The following SNX6 variants were observed in gnomAD, a reference collection of about 807,000 sequenced individuals.
The protein encoded by SNX6 is sorting nexin-6.
In SNX6, 34 loss-of-function variants were observed where a neutral mutation model predicts 63.0. The ratio of observed to expected loss-of-function variants is 0.54; its 90% CI spans 0.41 to 0.72. The LOEUF (loss-of-function observed/expected upper bound fraction) is 0.72, where lower values mean the gene tolerates loss of function less well. Ranked by LOEUF, SNX6 falls within the 30% of genes least tolerant of loss-of-function variation. SNX6 has a pLI of 0.00. For missense variants in SNX6, 398 were observed against 471.4 expected, an observed-to-expected ratio of 0.84 and a Z score of 1.44; for synonymous variants, 170 against 164.2, an observed-to-expected ratio of 1.04 and a Z score of -0.27.
intron 2 of SNX6, among the ~76,000 whole-genome samples, chr14:34,613,728 G>C (rs1411896005): frequency 6.6e-6 from 1 of 152,098 alleles, no homozygotes; most frequent in Non-Finnish European, 1.5e-5. Context: ...AGGAGGCAGA[G>C]CTTGCAGTGA....
intron 2 of SNX6, among the ~76,000 whole-genome samples, chr14:34,611,177 G>A (rs1481018854): frequency 2.6e-5 from 4 of 152,106 alleles, no homozygotes; most frequent in Non-Finnish European, 5.9e-5. Context: ...GTTTTTGGTA[G>A]AGAAGGGGTT....
intron 2 of SNX6, among the ~76,000 whole-genome samples, chr14:34,621,762 T>C (rs981278174): frequency 2.6e-5 from 4 of 152,142 alleles, no homozygotes; most frequent in African/African-American, 9.7e-5. Context: ...CTATTCTATC[T>C]CCTAAACATC....
chr14:34,625,306 G>A (rs1883785291), intron 2 of SNX6, among the ~76,000 whole-genome samples: 1 of 152,064 alleles, frequency 6.6e-6, no homozygotes, highest in African/African-American at 2.4e-5. Flanking sequence ...TTTCTATCAG[G>A]ACAAACACAA....
intron 8 of SNX6, among the ~76,000 whole-genome samples, chr14:34,588,372 C>T (rs1463272684): frequency 1.3e-5 from 2 of 151,994 alleles, no homozygotes; most frequent in Non-Finnish European, 2.9e-5. Flanking sequence ...GATCCCCTTG[C>T]CTCAGCATCC....
chr14:34,566,276 C>G (rs909882967), intron 13 of SNX6, among the ~76,000 whole-genome samples: 1 of 152,122 alleles, frequency 6.6e-6, no homozygotes, highest in Admixed American at 6.6e-5. Context: ...TGCAGTGGCA[C>G]AATCTTGGCT....
chr14:34,587,798 A>ATTTT (rs1168575667), intron 8 of SNX6, among the ~76,000 whole-genome samples: 2 of 107,060 alleles, frequency 1.9e-5, no homozygotes, highest in East Asian at 2.5e-4. Context: ...CGGTTGGCTA[A>ATTTT]TTTTTTTTTT....
intron 4 of SNX6, among the ~76,000 whole-genome samples, chr14:34,607,179 A>T (rs1349363181): frequency 6.6e-6 from 1 of 152,222 alleles, no homozygotes; most frequent in Non-Finnish European, 1.5e-5. Context: ...AGTTTAAATG[A>T]GGGAATGTAA....
intron 2 of SNX6, among the ~76,000 whole-genome samples, chr14:34,628,891 A>G (rs1422600206): frequency 6.6e-6 from 1 of 152,162 alleles, no homozygotes; most frequent in African/African-American, 2.4e-5. Context: ...GCTCACTTGT[A>G]CAAGGGACTA....
intron 10 of SNX6, among the ~76,000 whole-genome samples, chr14:34,577,926 AG>A (rs1242212433): frequency 6.6e-6 from 1 of 152,206 alleles, no homozygotes; most frequent in African/African-American, 2.4e-5. Flanking sequence ...AATATTGGCC[AG>A]GTGCAGTGGC....
intron 4 of SNX6, among the ~76,000 whole-genome samples, chr14:34,606,232 T>C (rs1883013183): frequency 6.7e-6 from 1 of 150,230 alleles, no homozygotes; most frequent in Admixed American, 6.6e-5. Flanking sequence ...TGTCTTGCTC[T>C]GTTTCCCAGG....
chr14:34,573,526 G>C (rs1881543893), intron 11 of SNX6, among the ~76,000 whole-genome samples: 1 of 151,708 alleles, frequency 6.6e-6, no homozygotes, highest in African/African-American at 2.4e-5. Context: ...CATAACCCAA[G>C]ATCATGCCAC....
At position 34,587,532 on chromosome 14, in the gene SNX6, CAAAAAAAAAAAAAA is replaced by C. The variant is rs34380966; in HGVS notation, c.719-1241_719-1228del. On this transcript the variant is annotated intron_variant, in intron 8 of 13. Transcript: ENST00000362031. ...TGGGCGACAGAGCAAGACTCCATCT[CAAAAAAAAAAAAAA>C]AAAAAAAAAAAAAAGGGCATCTAAG... 1.6e-4 allele frequency among the ~76,000 whole-genome samples: 9 copies of C among 57,834 alleles called. 1 individual carries two copies. Among genetic ancestry groups the C allele is most frequent in the South Asian group, 1.0e-3 (1 of 966 alleles). The allele number at this position is 57,834 out of a possible 152,430, so 37.9% of individuals were successfully genotyped here. A position where few individuals can be genotyped will look rare whatever the true frequency, so the allele number is the denominator to read the frequency against.
intron 9 of SNX6, among the ~76,000 whole-genome samples, chr14:34,582,219 C>T: frequency 6.6e-6 from 1 of 151,102 alleles, no homozygotes; most frequent in South Asian, 2.1e-4. Flanking sequence ...GCAACCTCTG[C>T]CTCCTGGGTT....
intron 4 of SNX6, among the ~76,000 whole-genome samples, chr14:34,607,636 G>C (rs979295849): frequency 1.3e-5 from 2 of 151,904 alleles, no homozygotes; most frequent in South Asian, 4.2e-4. Context: ...GGCCGGGCAC[G>C]GTGGCTCACG....
chr14:34,579,139 G>A (rs7149200), intron 10 of SNX6, among the ~76,000 whole-genome samples: 118,668 of 151,478 alleles, frequency 0.78, 46,811 homozygotes, highest in East Asian at 0.83. Flanking sequence ...AGCTTTTCAC[G>A]TGGTTATCAT....
At chr14:34,568,634 G>GTTTTT in intron 11 of SNX6, 4 of 625,054 alleles carry the variant, frequency 6.4e-6, no homozygotes, top group African/African-American at 4.0e-5. Flanking sequence ...CACTCAGCCT[G>GTTTTT]TTTTTTTTTT....
intron 5 of SNX6, 90 bp downstream of exon 5, chr14:34,605,506 A>C: frequency 8.9e-7 from 1 of 1,124,220 alleles, no homozygotes; most frequent in South Asian, 1.7e-5. Flanking sequence ...GGGATATCAG[A>C]AAACACCAAA....
intron 2 of SNX6, among the ~76,000 whole-genome samples, chr14:34,628,499 C>T (rs1883914601): frequency 6.6e-6 from 1 of 151,750 alleles, no homozygotes; most frequent in South Asian, 2.1e-4. Context: ...CATGGTGGCC[C>T]GTGCCAGTAG....
At position 34,600,443 on chromosome 14, in the gene SNX6, C is replaced by CT. The variant is rs879769668; in HGVS notation, c.517-2799dup. ...CCCGGCATTTTTCTTTCTTCTTCTT[C>CT]TTTTTTTTTTTTTTAAAAAGAGACA... On this transcript the variant is annotated intron_variant, in intron 6 of 13. Transcript: ENST00000362031. Among the ~76,000 whole-genome samples the CT allele has an allele frequency of 2.4e-3, 326 of 138,688 alleles. 2 individuals are homozygous for CT. The highest frequency in any genetic ancestry group is 0.012 in the East Asian group (61 of 4,946). The allele number at this position is 138,688 out of a possible 152,430, so 91.0% of individuals were successfully genotyped here. A position where few individuals can be genotyped will look rare whatever the true frequency, so the allele number is the denominator to read the frequency against.
Sources: allele counts gnomAD v4.1 joint callset (sites outside exome capture counted in the v4.1 genomes callset), GRCh38; gene constraint gnomAD v4.1.1; transcripts MANE v1.5; gene names NCBI Gene and HGNC (gene_info 2026-07-23, HGNC 2026-07-21).